The following C1QTNF1 variants were observed in gnomAD, a reference collection of about 807,000 sequenced individuals.
C1QTNF1 encodes the protein C1q and TNF related 1, also known as complement C1q tumor necrosis factor-related protein 1.
In C1QTNF1, 22 loss-of-function variants were observed where a neutral mutation model predicts 27.8. The ratio of observed to expected loss-of-function variants is 0.79; its 90% CI spans 0.56 to 1.13. The LOEUF is 1.13. C1QTNF1 is among the 50% of genes most tolerant of loss of function. C1QTNF1 has a pLI of 0.00. For missense variants in C1QTNF1, 373 were observed against 380.2 expected, an observed-to-expected ratio of 0.98 and a Z score of 0.16; for synonymous variants, 166 against 154.3, an observed-to-expected ratio of 1.08 and a Z score of -0.56.
rs1471598732 is a variant in C1QTNF1, at chr17:79,030,485, T to TTC, written c.-15+5992_-15+5993insCT. ...TTTCTTTCTTTCTTTCTTTCTTTCTTTTTCTTTCTTTCTTTCTTTCTTTCT... is the reference window on the plus strand; with the variant it reads ...TTTCTTTCTTTCTTTCTTTCTTTCTTTCTTTCTTTCTTTCTTTCTTTCTTTCT... On this transcript the variant is annotated intron_variant, in intron 1 of 3. Transcript: ENST00000579760. Among the ~76,000 whole-genome samples, 687 of 121,812 alleles carry TTC rather than the reference T, an allele frequency of 5.6e-3. 4 individuals carry two copies. The highest frequency in any genetic ancestry group is 0.011 in the African/African-American group (311 of 27,364). 79.9% of individuals were successfully genotyped at this position (121,812 alleles called of 152,430 possible).
chr17:79,035,254 G>A (rs1236604197), intron 1 of C1QTNF1, among the ~76,000 whole-genome samples: 1 of 152,098 alleles, frequency 6.6e-6, no homozygotes, highest in Non-Finnish European at 1.5e-5. Flanking sequence ...CTTCTCAACA[G>A]GAGAATTCTA....
intron 1 of C1QTNF1, among the ~76,000 whole-genome samples, chr17:79,032,837 C>T (rs1451233559): frequency 2.6e-5 from 4 of 152,134 alleles, no homozygotes; most frequent in South Asian, 2.1e-4. Context: ...GAGGCCGAGG[C>T]GGGTGGATCG....
In C1QTNF1 at chr17:79,046,726, G is replaced by T; in HGVS notation, c.295+32G>T. The T allele has an allele frequency of 1.2e-6, 2 of 1,613,528 alleles. 1 individual carries two copies. Among genetic ancestry groups the T allele is most frequent in the South Asian group, 2.2e-5 (2 of 91,056 alleles). ...TGGCTGCAAAGACAAGCACGGGGTG[G>T]CCGGGCTGCTCTGTGCTGATCCGGA... On this transcript the variant is annotated intron_variant, in intron 3 of 3. Coordinates refer to ENST00000579760, the MANE Select transcript of C1QTNF1 (RefSeq NM_030968.5). The surrounding 1 kb of genome is among the most constrained non-coding windows in gnomAD (Gnocchi z 4.8).
rs780801108 is a variant in C1QTNF1 at position 79,046,457 on chromosome 17, A to G, written c.156-98A>G. 6 of 1,511,226 alleles carry G rather than the reference A, an allele frequency of 4.0e-6. No homozygotes were observed. Among genetic ancestry groups the G allele is most frequent in the Non-Finnish European group, 5.4e-6 (6 of 1,101,920 alleles). The allele number at this position is 1,511,226 out of a possible 1,614,324, so 93.6% of individuals were successfully genotyped here. A position where few individuals can be genotyped will look rare whatever the true frequency, so the allele number is the denominator to read the frequency against. ...TGTGGGTCCAGGTGAGAGAGTGAGAAGGCAGGTCAGGCATGCCAGAACCAC... is the reference window on the plus strand; with the variant it reads ...TGTGGGTCCAGGTGAGAGAGTGAGAGGGCAGGTCAGGCATGCCAGAACCAC... On this transcript the variant is annotated intron_variant, in intron 2 of 3. Coordinates refer to ENST00000579760, the MANE Select transcript of C1QTNF1 (RefSeq NM_030968.5). The surrounding 1 kb of genome is among the most constrained non-coding windows in gnomAD (Gnocchi z 4.8).
intron 1 of C1QTNF1, among the ~76,000 whole-genome samples, chr17:79,031,964 G>C (rs1233233783): frequency 6.6e-6 from 1 of 152,202 alleles, no homozygotes; most frequent in Non-Finnish European, 1.5e-5. Flanking sequence ...AGAGAGATTT[G>C]GACAGGCTTG....
chr17:79,046,787 G>C lies in C1QTNF1; in HGVS notation c.295+93G>C. 1 of 1,503,954 alleles carries C rather than the reference G, an allele frequency of 6.6e-7. No homozygotes were observed. The allele number at this position is 1,503,954 out of a possible 1,614,324, so 93.2% of individuals were successfully genotyped here. On this transcript the variant is annotated intron_variant, in intron 3 of 3. Transcript: ENST00000579760. This position sits in a 1 kb window ranked among gnomAD's most constrained non-coding sequence, Gnocchi z 4.8. ...GAGTCGTTAGGGTGGGGCTAGGCGA[G>C]AGCAGAATGGCTCCCTCGGGACAGG... is the stretch of plus-strand genomic sequence containing the variant.
At position 79,046,430 on chromosome 17, in the gene C1QTNF1, CT is replaced by C; in HGVS notation, c.156-123del. ...GAGCCCACCAGCGTGAACACAGAGC[CT>C]TGTGGGTCCAGGTGAGAGAGTGAGA... On this transcript the variant is annotated intron_variant, in intron 2 of 3. Coordinates refer to ENST00000579760, the MANE Select transcript of C1QTNF1 (RefSeq NM_030968.5). The surrounding 1 kb of genome is among the most constrained non-coding windows in gnomAD (Gnocchi z 4.8). 7.4e-7 allele frequency: 1 copy of C among 1,346,556 alleles called. No homozygotes were observed. Among genetic ancestry groups the C allele is most frequent in the Non-Finnish European group, 1.0e-6 (1 of 965,552 alleles). 83.4% of individuals were successfully genotyped at this position (1,346,556 alleles called of 1,614,324 possible).
chr17:79,034,111 G>A (rs1054451548), intron 1 of C1QTNF1: 2 of 152,254 alleles, frequency 1.3e-5, no homozygotes, highest in South Asian at 2.1e-4. Flanking sequence ...AACCAAATAC[G>A]TTTGTGCTGC....
intron 3 of C1QTNF1, 104 bp from the exon 4 acceptor site, chr17:79,047,434 G>A: frequency 8.3e-7 from 1 of 1,203,792 alleles, no homozygotes; most frequent in Non-Finnish European, 1.2e-6. Context: ...TCAGGGCTGT[G>A]AGGACGAATC....
At chr17:79,027,813 TC>T (rs2072012599) in intron 1 of C1QTNF1, among the ~76,000 whole-genome samples, 1 of 152,244 alleles carries the variant, frequency 6.6e-6, no homozygotes, top group Admixed American at 6.5e-5. Flanking sequence ...AGCTGCCTGT[TC>T]TTGCCTACAT....
In C1QTNF1 at chr17:79,048,092, G is replaced by A; in HGVS notation, c.*4G>A. ...CAAGCACGCCACCGAGCCCTAGCTG[G>A]CCGGCCACCTCCTTTCCTCTCGCCA... On this transcript the variant is annotated 3_prime_UTR_variant, in exon 4 of 4. Transcript: ENST00000579760. 6.5e-7 allele frequency: 1 copy of A among 1,536,988 alleles called. No individual in the cohort carries two copies. Among genetic ancestry groups the A allele is most frequent in the Non-Finnish European group, 8.7e-7 (1 of 1,148,314 alleles).
At chr17:79,047,176 C>T (rs1278751721) in intron 3 of C1QTNF1, 2 of 270,500 alleles carry the variant, frequency 7.4e-6, no homozygotes, top group Non-Finnish European at 1.4e-5. Context: ...AGCCGTCGGT[C>T]TGGCCGCAGA....
chr17:79,040,992 A>G (rs2072392107), intron 1 of C1QTNF1, among the ~76,000 whole-genome samples: 1 of 151,610 alleles, frequency 6.6e-6, no homozygotes, highest in Non-Finnish European at 1.5e-5. Context: ...TTGTCTCCCT[A>G]GAGGATTGTG....
chr17:79,044,458 G>T (rs185476350), intron 2 of C1QTNF1, among the ~76,000 whole-genome samples: 2 of 152,150 alleles, frequency 1.3e-5, no homozygotes, highest in Non-Finnish European at 2.9e-5. Flanking sequence ...CACTTTGTCC[G>T]CTGAGAATAT....
chr17:79,047,025 C>T (rs1248697187), intron 3 of C1QTNF1: 2 of 324,082 alleles, frequency 6.2e-6, no homozygotes, highest in Admixed American at 9.0e-5. Context: ...GTCCCCCAGC[C>T]TGCTTTCTGA....
At chr17:79,036,049 C>T (rs545475043) in intron 1 of C1QTNF1, among the ~76,000 whole-genome samples, 1 of 145,578 alleles carries the variant, frequency 6.9e-6, no homozygotes, top group Admixed American at 6.6e-5. Context: ...TGTTTGTTCA[C>T]AGTTACTCTT....
chr17:79,033,686 A>T (rs1370423538), intron 1 of C1QTNF1, among the ~76,000 whole-genome samples: 4 of 151,980 alleles, frequency 2.6e-5, no homozygotes, highest in African/African-American at 9.7e-5. Context: ...AGCCTGGGTG[A>T]CAGGAGACCC....
chr17:79,043,084 GTGTA>G lies in C1QTNF1; in HGVS notation c.-14-867_-14-864del, dbSNP rs556009413. ...TTGCATGTGTGTGTGGGTTGCATGT[GTGTA>G]TGTGTGTGCATGTGTGCATGGATTG... On this transcript the variant is annotated intron_variant, in intron 1 of 3. Coordinates refer to ENST00000579760, the MANE Select transcript of C1QTNF1 (RefSeq NM_030968.5). Among the ~76,000 whole-genome samples the G allele has an allele frequency of 2.9e-3, 442 of 150,676 alleles. 1 individual carries two copies. The highest frequency in any genetic ancestry group is 5.2e-3 in the Non-Finnish European group (350 of 67,826).
chr17:79,041,447 G>A (rs1041408918), intron 1 of C1QTNF1, among the ~76,000 whole-genome samples: 22 of 152,174 alleles, frequency 1.4e-4, no homozygotes, highest in African/African-American at 3.9e-4. Flanking sequence ...TTGACTTGGC[G>A]TGAGGGCTCT....
Sources: allele counts gnomAD v4.1 joint callset (sites outside exome capture counted in the v4.1 genomes callset), GRCh38; gene constraint gnomAD v4.1.1; non-coding constraint Gnocchi (gnomAD v3.1); transcripts MANE v1.5; gene names NCBI Gene and HGNC (gene_info 2026-07-23, HGNC 2026-07-21).